FERMT2: variants seen among roughly 807,000 people sequenced by gnomAD.
FERMT2 encodes FERM domain containing kindlin 2, also known as fermitin family homolog 2.
In FERMT2, 15 loss-of-function variants were observed where a neutral mutation model predicts 82.7. The ratio of observed to expected loss-of-function variants is 0.18; its 90% CI spans 0.12 to 0.28. The LOEUF (loss-of-function observed/expected upper bound fraction) is 0.28, where lower values mean the gene tolerates loss of function less well. FERMT2 is among the 10% of genes least tolerant of loss of function. The pLI, the probability that FERMT2 is intolerant of heterozygous loss-of-function variation, is 1.00. For synonymous variants in FERMT2, 274 were observed against 271.5 expected (o/e 1.01, Z -0.09); for missense variants, 645 against 809.4 (o/e 0.80, Z 2.46).
chr14:52,928,053 T>A (rs1021230486), intron 2 of FERMT2: 2 of 379,786 alleles, frequency 5.3e-6, no homozygotes, highest in Admixed American at 3.0e-5. Flanking sequence ...ATCTTAAAAA[T>A]AAGTAAGCAA....
At chr14:52,935,473 G>C (rs888858791) in intron 2 of FERMT2, among the ~76,000 whole-genome samples, 2 of 152,144 alleles carry the variant, frequency 1.3e-5, no homozygotes, top group Non-Finnish European at 2.9e-5. Context: ...CATGGAGGTG[G>C]AGTGCTTCTG....
At chr14:52,860,847 T>C in intron 12 of FERMT2, 1 of 652,696 alleles carries the variant, frequency 1.5e-6, no homozygotes, top group Middle Eastern at 3.9e-4. Context: ...CTGGAATACA[T>C]GTTTCTAGCA....
intron 6 of FERMT2, 33 bp downstream of exon 6, chr14:52,881,003 G>GA (rs201882097): frequency 9.2e-3 from 10,876 of 1,176,554 alleles, no homozygotes; most frequent in South Asian, 0.012. Flanking sequence ...AATTAATGGG[G>GA]AAAAAAAAAA....
intron 3 of FERMT2, among the ~76,000 whole-genome samples, chr14:52,911,257 T>G (rs1888292879): frequency 6.6e-6 from 1 of 152,184 alleles, no homozygotes; most frequent in African/African-American, 2.4e-5. Context: ...CATGGGAATT[T>G]GAATTTTTAT....
At position 52,858,323 on chromosome 14, in the gene FERMT2, T is replaced by TTTTAAAGTTAATTTAAAA; in HGVS notation, c.*53_*54insTTTTAAATTAACTTTAAA. 4 of 1,491,862 alleles carry TTTTAAAGTTAATTTAAAA rather than the reference T, an allele frequency of 2.7e-6. No individual in the cohort carries two copies. Among genetic ancestry groups the TTTTAAAGTTAATTTAAAA allele is most frequent in the Non-Finnish European group, 3.7e-6 (4 of 1,075,864 alleles). 92.4% of individuals were successfully genotyped at this position (1,491,862 alleles called of 1,614,324 possible). A position where few individuals can be genotyped will look rare whatever the true frequency, so the allele number is the denominator to read the frequency against. On this transcript the variant is annotated 3_prime_UTR_variant, in exon 15 of 15. Transcript: ENST00000341590. ...TATTAAGCAGCATATAACAAACAGCTTTTAAAGTTAAATATTGTTATGGCC... is the reference window on the plus strand; with the variant it reads ...TATTAAGCAGCATATAACAAACAGCTTTTAAAGTTAATTTAAAATTTAAAGTTAAATATTGTTATGGCC...
chr14:52,942,834 A>G (rs928721415), intron 2 of FERMT2, among the ~76,000 whole-genome samples: 1 of 152,184 alleles, frequency 6.6e-6, no homozygotes, highest in Non-Finnish European at 1.5e-5. Flanking sequence ...ATGATGTCTA[A>G]AACTATTATT....
chr14:52,860,368 T>A lies in FERMT2; in HGVS notation c.1700A>T (p.Glu567Val). Residue 567 changes from glutamate (E) to valine (V), a missense_variant, in exon 13 of 15, where the codon GAA becomes GTA. Glu to Val is a moderately radical substitution (Grantham distance 121, BLOSUM62 -2). Coordinates refer to ENST00000341590, the MANE Select transcript of FERMT2 (RefSeq NM_006832.3). ...RFIQAWQSLP[E>V]FGITHFIARF... ...TGCAATGAAGTGAGTGATGCCAAAT[T>A]CAGGTAGTGACTGCCAAGCTTGAAT... 2 of 1,614,022 alleles carry A rather than the reference T, an allele frequency of 1.2e-6. No individual in the cohort carries two copies. Among genetic ancestry groups the A allele is most frequent in the Non-Finnish European group, 1.7e-6 (2 of 1,179,960 alleles).
intron 2 of FERMT2, among the ~76,000 whole-genome samples, chr14:52,929,617 G>A (rs779551967): frequency 4.6e-5 from 7 of 151,990 alleles, no homozygotes; most frequent in African/African-American, 9.7e-5. Context: ...CTTTCCTGCC[G>A]CAGTGCCCTT....
chr14:52,863,556 T>C (rs914423156), intron 12 of FERMT2: 5 of 152,164 alleles, frequency 3.3e-5, no homozygotes, highest in African/African-American at 1.2e-4. Flanking sequence ...CAAAGAACCA[T>C]TTTCCTAAGT....
intron 2 of FERMT2, among the ~76,000 whole-genome samples, chr14:52,944,035 G>T (rs1162734604): frequency 5.9e-5 from 9 of 152,012 alleles, no homozygotes; most frequent in Admixed American, 5.9e-4. Flanking sequence ...AAAAACAAAA[G>T]GCAGCAAATA....
At chr14:52,924,060 C>T (rs535072914) in intron 2 of FERMT2, among the ~76,000 whole-genome samples, 1 of 152,258 alleles carries the variant, frequency 6.6e-6, no homozygotes, top group African/African-American at 2.4e-5. Context: ...AGAATAAGAA[C>T]ATCAGACGTG....
Position 52,919,134 on chromosome 14 carries a change from C to G in FERMT2, c.380G>C (p.Cys127Ser), listed in dbSNP as rs368273016. The G allele has an allele frequency of 2.1e-4, 332 of 1,606,828 alleles. No homozygotes were observed. Among genetic ancestry groups the G allele is most frequent in the Non-Finnish European group, 2.7e-4 (318 of 1,173,696 alleles). ...DRVFKAVSDI[C>S]KTFNIRHPEE... ...TATGTAATACTTACTAAAAGTCTTA[C>G]AGATGTCAGAAACAGCTTTGAAGAC... Residue 127 changes from cysteine to serine, a missense_variant, in exon 3 of 15, where the codon TGT (cysteine) becomes TCT (serine). By Grantham distance (112) the Cys-to-Ser change is moderately radical. Transcript: ENST00000341590.
intron 2 of FERMT2, among the ~76,000 whole-genome samples, chr14:52,928,661 T>C (rs1011333501): frequency 3.3e-5 from 5 of 152,152 alleles, no homozygotes; most frequent in African/African-American, 9.7e-5. Context: ...AACCTACTAT[T>C]TTTTTCTGTC....
At chr14:52,944,844 T>C (rs1890255511) in intron 2 of FERMT2, among the ~76,000 whole-genome samples, 1 of 152,214 alleles carries the variant, frequency 6.6e-6, no homozygotes, top group Non-Finnish European at 1.5e-5. Flanking sequence ...TGACACACTT[T>C]TAAAGCAAGG....
In FERMT2 at chr14:52,919,366, AC is replaced by A; in HGVS notation, c.158-11del. ...CAATCTTTTTTTACATCTATAAAAA[AC>A]AAACAATAAACAAATCACTTAAAAA... On this transcript the variant is annotated splice_polypyrimidine_tract_variant and intron_variant, in intron 2 of 14. Coordinates refer to ENST00000341590, the MANE Select transcript of FERMT2 (RefSeq NM_006832.3). 1 of 1,562,392 alleles carries A rather than the reference AC, an allele frequency of 6.4e-7. No homozygotes were observed. The highest frequency in any genetic ancestry group is 8.7e-7 in the Non-Finnish European group (1 of 1,147,370).
intron 8 of FERMT2, among the ~76,000 whole-genome samples, chr14:52,874,592 C>A (rs1885834069): frequency 6.6e-6 from 1 of 152,076 alleles, no homozygotes; most frequent in South Asian, 2.1e-4. Flanking sequence ...AAAACCAAAC[C>A]CAGTGTTTCA....
chr14:52,864,512 C>G lies in FERMT2; in HGVS notation c.1491G>C (p.Lys497Asn), dbSNP rs767566349. The change falls in exon 12 of 15, where the codon AAG (lysine) becomes AAC (asparagine). Residue 497 changes from lysine (K) to asparagine (N), a missense_variant. By Grantham distance (94) the Lys-to-Asn change is moderately conservative. Coordinates refer to ENST00000341590, the MANE Select transcript of FERMT2 (RefSeq NM_006832.3). ...LEVQNILSFL[K>N]MQHLNPDPQL... ...GAGGATCTGGGTTTAAATGCTGCAT[C>G]TTCAGAAAGGAAAGAATATTCTGAA... is the stretch of plus-strand genomic sequence containing the variant. The G allele has an allele frequency of 3.7e-6, 6 of 1,614,030 alleles. No individual in the cohort carries two copies. The highest frequency in any genetic ancestry group is 2.5e-6 in the Non-Finnish European group (3 of 1,179,892).
chr14:52,921,623 G>A (rs1594997011), intron 2 of FERMT2, among the ~76,000 whole-genome samples: 2 of 152,230 alleles, frequency 1.3e-5, no homozygotes, highest in South Asian at 4.2e-4. Context: ...AAGATAACCT[G>A]CAAAGAATGC....
At chr14:52,927,946 C>T (rs996748157) in intron 2 of FERMT2, 2 of 314,238 alleles carry the variant, frequency 6.4e-6, no homozygotes, top group Admixed American at 3.6e-5. Flanking sequence ...TATTTAATGC[C>T]ATAATGTTGT....
Sources: gnomAD v4.1 joint callset for allele counts (sites outside exome capture counted in the v4.1 genomes callset) on GRCh38, gnomAD v4.1.1 for gene constraint, MANE v1.5 for transcripts, NCBI Gene and HGNC (gene_info 2026-07-23, HGNC 2026-07-21) for gene names.